The following USPL1 variants were observed in gnomAD, a reference collection of about 807,000 sequenced individuals.
The protein encoded by USPL1 is SUMO-specific isopeptidase USPL1.
USPL1 carries 27 observed loss-of-function variants against 51.5 expected under a neutral mutation model. The observed-to-expected ratio is 0.52, with a 90% confidence interval of 0.39 to 0.72. The LOEUF is 0.72. Ranked by LOEUF, USPL1 falls within the 30% of genes least tolerant of loss-of-function variation. The pLI, the probability that USPL1 is intolerant of heterozygous loss-of-function variation, is 0.00. For missense variants in USPL1, 1,226 were observed against 1,268.0 expected (o/e 0.97, Z 0.50); for synonymous variants, 451 against 459.6 (o/e 0.98, Z 0.24).
At chr13:30,653,656 A>G (rs1951121572) in intron 8 of USPL1, among the ~76,000 whole-genome samples, 1 of 152,184 alleles carries the variant, frequency 6.6e-6, no homozygotes, top group South Asian at 2.1e-4. Context: ...ACTATTAAAC[A>G]TTAGACTTAC....
intron 5 of USPL1, among the ~76,000 whole-genome samples, chr13:30,642,044 C>G (rs1179467449): frequency 6.6e-6 from 1 of 152,000 alleles, no homozygotes; most frequent in East Asian, 1.9e-4. Flanking sequence ...GTAGCTTGGA[C>G]TACAGGTGTG....
chr13:30,646,781 A>T, intron 6 of USPL1, 151 bp from the exon 7 acceptor site: 1 of 763,314 alleles, frequency 1.3e-6, no homozygotes, highest in African/African-American at 1.8e-5. Context: ...CTTCTTTACT[A>T]GAGGTAGGGA....
Position 30,621,746 on chromosome 13 carries a change from G to A in USPL1, c.100-18G>A. 6.9e-7 allele frequency: 1 copy of A among 1,446,584 alleles called. No homozygotes were observed. Among genetic ancestry groups the A allele is most frequent in the Non-Finnish European group, 9.1e-7 (1 of 1,097,480 alleles). 89.6% of individuals were successfully genotyped at this position (1,446,584 alleles called of 1,614,324 possible). ...TCTAGGAATGTCTATATTTTAATTTGCTTTATTTCTCTTTTAGAATTTTGA... is the reference window on the plus strand; with the variant it reads ...TCTAGGAATGTCTATATTTTAATTTACTTTATTTCTCTTTTAGAATTTTGA... On this transcript the variant is annotated intron_variant, in intron 2 of 8. Transcript: ENST00000255304.
chr13:30,653,013 TG>T, intron 7 of USPL1, 134 bp from the exon 8 acceptor site: 1 of 794,320 alleles, frequency 1.3e-6, no homozygotes, highest in Non-Finnish European at 2.0e-6. Context: ...GGCACACATC[TG>T]GAGGTGCTCA....
chr13:30,660,237 C>T lies in USPL1; in HGVS notation c.*881C>T, dbSNP rs1323155369. On this transcript the variant is annotated 3_prime_UTR_variant, in exon 9 of 9. Transcript: ENST00000255304. Reference sequence around the variant, plus strand: ...GGCCTGGAAAAGGCACCAGTTCCCACTCCTACAGGTGGGACTGGCAGCCTG... The same window carrying T: ...GGCCTGGAAAAGGCACCAGTTCCCATTCCTACAGGTGGGACTGGCAGCCTG... 6.6e-6 allele frequency: 1 copy of T among 152,486 alleles called. No individual in the cohort carries two copies. The highest frequency in any genetic ancestry group is 6.5e-5 in the Admixed American group (1 of 15,306). 9.4% of individuals were successfully genotyped at this position (152,486 alleles called of 1,614,324 possible).
At chr13:30,637,678 G>T in intron 4 of USPL1, 66 bp from the exon 5 acceptor site, 2 of 1,266,016 alleles carry the variant, frequency 1.6e-6, no homozygotes, top group Non-Finnish European at 2.2e-6. Flanking sequence ...TCTTGGGAAT[G>T]TGTCAGTTTT....
At chr13:30,652,886 G>A (rs534120951) in intron 7 of USPL1, among the ~76,000 whole-genome samples, 2 of 152,298 alleles carry the variant, frequency 1.3e-5, no homozygotes, top group East Asian at 3.9e-4. Flanking sequence ...AGCAATTTTT[G>A]TTTAATGGTC....
intron 7 of USPL1, among the ~76,000 whole-genome samples, chr13:30,647,633 G>C (rs926325305): frequency 6.6e-6 from 1 of 152,148 alleles, no homozygotes; most frequent in Non-Finnish European, 1.5e-5. Context: ...TCACAGGTCA[G>C]TTCCATCTCA....
chr13:30,620,243 G>A lies in USPL1; in HGVS notation c.-68-830G>A, dbSNP rs146585841. Among the ~76,000 whole-genome samples, 430 of 152,262 alleles carry A rather than the reference G, an allele frequency of 2.8e-3. 1 individual carries two copies. The highest frequency in any genetic ancestry group is 5.4e-3 in the Non-Finnish European group (364 of 68,036). On this transcript the variant is annotated intron_variant, in intron 1 of 8. Transcript: ENST00000255304. Reference sequence around the variant, plus strand: ...ATAGAATCATGGATTCTTGGATTTGGGAAAGACTTATGCCTAGAATTATTT... The same window carrying A: ...ATAGAATCATGGATTCTTGGATTTGAGAAAGACTTATGCCTAGAATTATTT...
chr13:30,656,160 CA>C (rs1471818685), intron 8 of USPL1, among the ~76,000 whole-genome samples: 2 of 152,354 alleles, frequency 1.3e-5, no homozygotes, highest in South Asian at 2.1e-4. Flanking sequence ...CACCTGTTAG[CA>C]CCTAGCCACC....
intron 3 of USPL1, among the ~76,000 whole-genome samples, chr13:30,630,449 T>C (rs1382118491): frequency 2.0e-5 from 3 of 152,244 alleles, no homozygotes; most frequent in Admixed American, 6.5e-5. Context: ...TTGAAAATAC[T>C]TTTAAAATGT....
rs764757157 is a variant in USPL1 at position 30,637,728 on chromosome 13, C to T, written c.869-16C>T. The T allele has an allele frequency of 6.4e-7, 1 of 1,564,680 alleles. No homozygotes were observed. Among genetic ancestry groups the T allele is most frequent in the Admixed American group, 1.7e-5 (1 of 57,146 alleles). On this transcript the variant is annotated splice_polypyrimidine_tract_variant and intron_variant, in intron 4 of 8. Transcript: ENST00000255304. The stretch of plus-strand genomic sequence containing the variant: ...ACATTGATGAGGAATTGATAATGTT[C>T]TCTGTATTTTCTTAGATGGAGATTG...
At chr13:30,656,321 T>C (rs1360779877) in intron 8 of USPL1, among the ~76,000 whole-genome samples, 3 of 134,940 alleles carry the variant, frequency 2.2e-5, no homozygotes, top group Non-Finnish European at 3.3e-5. Flanking sequence ...TCAGGACTTT[T>C]TCATCAACCC....
intron 8 of USPL1, among the ~76,000 whole-genome samples, chr13:30,653,991 G>A (rs911591214): frequency 2.0e-5 from 3 of 152,116 alleles, no homozygotes; most frequent in Admixed American, 6.5e-5. Flanking sequence ...TGGTTTGAAT[G>A]GATGACACAA....
At chr13:30,619,777 AGAT>A (rs1566044234) in intron 1 of USPL1, among the ~76,000 whole-genome samples, 1 of 152,226 alleles carries the variant, frequency 6.6e-6, no homozygotes, top group Non-Finnish European at 1.5e-5. Flanking sequence ...TTTTGTAAGT[AGAT>A]TATAAATAGA....
Position 30,658,524 on chromosome 13 carries a change from G to C in USPL1, c.2447G>C (p.Arg816Pro), listed in dbSNP as rs199641998. ...QKASHVSKKA[R>P]KSASKPPPIS... ...GCCAGCCACGTATCCAAGAAAGCTC[G>C]TAAGAGTGCAAGTAAGCCTCCTCCC... The change falls in exon 9 of 9, where the codon CGT becomes CCT. Residue 816 changes from arginine to proline, a missense_variant. By Grantham distance (103) the Arg-to-Pro change is moderately radical (BLOSUM62 -2). Transcript: ENST00000255304. The C allele has an allele frequency of 6.2e-7, 1 of 1,613,912 alleles. No homozygotes were observed. Among genetic ancestry groups the C allele is most frequent in the Non-Finnish European group, 8.5e-7 (1 of 1,180,008 alleles).
chr13:30,630,803 G>A (rs1185711596), intron 3 of USPL1, 32 bp from the exon 4 acceptor site: 1 of 1,537,130 alleles, frequency 6.5e-7, no homozygotes, highest in African/African-American at 1.4e-5. Context: ...TTGAATTTGT[G>A]TAGTTTTTAT....
chr13:30,645,999 T>C (rs1951013126), intron 6 of USPL1, among the ~76,000 whole-genome samples: 1 of 152,236 alleles, frequency 6.6e-6, no homozygotes, highest in African/African-American at 2.4e-5. Flanking sequence ...ATAACAATTA[T>C]CTTTGAAAAT....
At position 30,621,192 on chromosome 13, in the gene USPL1, A is replaced by G. The variant is rs566896255; in HGVS notation, c.52A>G (p.Thr18Ala). The part of the protein sequence containing the change: ...GNGLPVIGPG[T>A]DIGISSLHMV... ...TGGTTTGCCAGTGATTGGACCAGGGACTGATATAGGGATATCTTCACTCCA... is the reference window on the plus strand; with the variant it reads ...TGGTTTGCCAGTGATTGGACCAGGGGCTGATATAGGGATATCTTCACTCCA... The change falls in exon 2 of 9, where the codon ACT (threonine) becomes GCT (alanine). Residue 18 changes from threonine (T) to alanine (A), a missense_variant. By Grantham distance (58) the Thr-to-Ala change is moderately conservative (BLOSUM62 0). Transcript: ENST00000255304. 3.7e-6 allele frequency: 6 copies of G among 1,608,016 alleles called. No individual in the cohort carries two copies. In the African/African-American group the frequency reaches 8.0e-5, roughly 22 times the overall value.
Sources: gnomAD v4.1 joint callset for allele counts (sites outside exome capture counted in the v4.1 genomes callset) on GRCh38, gnomAD v4.1.1 for gene constraint, MANE v1.5 for transcripts, NCBI Gene and HGNC (gene_info 2026-07-23, HGNC 2026-07-21) for gene names.